Variants in COL14A1 observed in about 807,000 individuals in gnomAD.
COL14A1 encodes collagen alpha-1(XIV) chain.
A neutral mutation model predicts 230.3 loss-of-function variants in COL14A1; 136 were observed. The observed-to-expected ratio is 0.59, with a 90% confidence interval of 0.51 to 0.68. The LOEUF (loss-of-function observed/expected upper bound fraction) is 0.68, where lower values mean the gene tolerates loss of function less well. Ranked by LOEUF, COL14A1 falls within the 30% of genes least tolerant of loss-of-function variation. The pLI is 0.00. For synonymous variants in COL14A1, 792 were observed against 784.1 expected, an observed-to-expected ratio of 1.01 and a Z score of -0.17; for missense variants, 1,976 against 2,215.8, an observed-to-expected ratio of 0.89 and a Z score of 2.17.
Position 120,216,448 on chromosome 8 carries a change from T to C in COL14A1, c.1695T>C (p.Tyr565=). The change falls in exon 14 of 48, where the codon TAT becomes TAC. Residue 565 remains tyrosine, a synonymous_variant. Transcript: ENST00000297848. ...CAACTTCAAGACAGATCAATGGTTA[T>C]CGAATTGTATATAACAATGCAGATG... is the stretch of plus-strand genomic sequence containing the variant. ...WDPTSRQING[Y]RIVYNNADGT... is the part of the protein sequence containing the mutation. 1 of 1,613,912 alleles carries C rather than the reference T, an allele frequency of 6.2e-7. No individual in the cohort carries two copies.
intron 14 of COL14A1, 122 bp from the exon 15 acceptor site, chr8:120,224,966 C>T (rs1818048836): frequency 3.7e-6 from 3 of 820,280 alleles, no homozygotes; most frequent in Non-Finnish European, 5.5e-6. Flanking sequence ...TTTTATAATT[C>T]AGTAATTTGT....
At chr8:120,338,397 C>G (rs1451203998) in intron 42 of COL14A1, among the ~76,000 whole-genome samples, 1 of 152,122 alleles carries the variant, frequency 6.6e-6, no homozygotes, top group East Asian at 1.9e-4. Context: ...GATTCTGGAG[C>G]CCACAATTTG....
At chr8:120,257,878 A>T (rs1213156559) in intron 23 of COL14A1, among the ~76,000 whole-genome samples, 1 of 152,078 alleles carries the variant, frequency 6.6e-6, no homozygotes, top group Non-Finnish European at 1.5e-5. Flanking sequence ...ATATTTTTTC[A>T]TAGCTTAAGC....
chr8:120,362,283 C>A (rs1336849273), intron 45 of COL14A1, among the ~76,000 whole-genome samples: 1 of 152,100 alleles, frequency 6.6e-6, no homozygotes, highest in Non-Finnish European at 1.5e-5. Context: ...CAGTGCCTGC[C>A]CTCTTGGCTC....
chr8:120,331,075 A>T (rs1299801293), intron 40 of COL14A1, among the ~76,000 whole-genome samples: 1 of 148,578 alleles, frequency 6.7e-6, no homozygotes, highest in Non-Finnish European at 1.5e-5. Context: ...ATTGCACTCC[A>T]GCCTGGGCAA....
intron 5 of COL14A1, among the ~76,000 whole-genome samples, chr8:120,194,606 A>G (rs1816961462): frequency 6.6e-6 from 1 of 152,212 alleles, no homozygotes; most frequent in Non-Finnish European, 1.5e-5. Context: ...AATGAGCTAA[A>G]TAAACAGAAA....
At chr8:120,286,753 C>T (rs1820217036) in intron 33 of COL14A1, among the ~76,000 whole-genome samples, 2 of 152,194 alleles carry the variant, frequency 1.3e-5, no homozygotes, top group Non-Finnish European at 2.9e-5. Context: ...TCGTGATCCA[C>T]CTGCCTTGGC....
intron 35 of COL14A1, among the ~76,000 whole-genome samples, chr8:120,298,764 C>T (rs1386417064): frequency 6.6e-6 from 1 of 150,596 alleles, no homozygotes; most frequent in Non-Finnish European, 1.5e-5. Flanking sequence ...ATGGGGAACC[C>T]TTCATGAAGT....
chr8:120,270,019 C>G lies in COL14A1; in HGVS notation c.3074-16C>G, dbSNP rs779756507. The G allele has an allele frequency of 5.6e-6, 9 of 1,609,632 alleles. No homozygotes were observed. The highest frequency in any genetic ancestry group is 5.9e-6 in the Non-Finnish European group (7 of 1,177,290). ...TTCCCCTTATCTCTGACTCAAAATT[C>G]ATTGTTGGTCTTCAGTATGTAAGGC... On this transcript the variant is annotated splice_polypyrimidine_tract_variant and intron_variant, in intron 25 of 47. Transcript: ENST00000297848.
intron 28 of COL14A1, among the ~76,000 whole-genome samples, chr8:120,279,295 T>G (rs1019552071): frequency 4.6e-5 from 7 of 151,946 alleles, no homozygotes; most frequent in Non-Finnish European, 1.0e-4. Context: ...AGCACGTGTA[T>G]CCCAGAATTT....
intron 3 of COL14A1, among the ~76,000 whole-genome samples, chr8:120,159,113 T>C (rs1586725542): frequency 6.6e-6 from 1 of 152,310 alleles, no homozygotes; most frequent in East Asian, 1.9e-4. Flanking sequence ...TTCTATGAAT[T>C]TGCAACTCAA....
chr8:120,265,603 T>TA (rs1210516346), intron 24 of COL14A1, among the ~76,000 whole-genome samples: 1 of 151,440 alleles, frequency 6.6e-6, no homozygotes, highest in African/African-American at 2.4e-5. Flanking sequence ...TTATGAAAAA[T>TA]AAAAAGCACA....
chr8:120,208,498 C>T (rs1817518661), intron 11 of COL14A1, 137 bp downstream of exon 11: 7 of 974,428 alleles, frequency 7.2e-6, no homozygotes, highest in East Asian at 5.1e-5. Context: ...AGACATTTGT[C>T]GTGCTATATG....
At chr8:120,368,675 C>A (rs901848789) in intron 46 of COL14A1, among the ~76,000 whole-genome samples, 1 of 150,338 alleles carries the variant, frequency 6.7e-6, no homozygotes, top group East Asian at 2.0e-4. Flanking sequence ...CCTATTTTTA[C>A]TCAGTCTGAA....
intron 1 of COL14A1, among the ~76,000 whole-genome samples, chr8:120,145,590 C>T (rs1044867764): frequency 6.6e-6 from 1 of 152,152 alleles, no homozygotes; most frequent in Admixed American, 6.6e-5. Context: ...GCACTCCAGC[C>T]CTGGGGACAA....
At chr8:120,311,589 A>G (rs991981674) in intron 37 of COL14A1, among the ~76,000 whole-genome samples, 6 of 152,190 alleles carry the variant, frequency 3.9e-5, no homozygotes, top group African/African-American at 1.2e-4. Context: ...ATGTCCACCA[A>G]TGTGGACAGT....
intron 22 of COL14A1, 133 bp from the exon 23 acceptor site, chr8:120,255,107 T>C (rs1375938179): frequency 2.8e-6 from 2 of 717,662 alleles, no homozygotes; most frequent in African/African-American, 3.5e-5. Flanking sequence ...TACTAACTCA[T>C]TGTAAATTGA....
At chr8:120,324,737 C>G (rs1197471605) in intron 40 of COL14A1, among the ~76,000 whole-genome samples, 3 of 152,134 alleles carry the variant, frequency 2.0e-5, no homozygotes, top group Non-Finnish European at 4.4e-5. Flanking sequence ...AGGTTAGTAT[C>G]ATGACCTACC....
In COL14A1 at chr8:120,342,439, C is replaced by T. The variant is rs771741527; in HGVS notation, c.4881C>T (p.Leu1627=). ...RSVARQVCEQ[L]IQSHMARYTA... ...TGGCGCGTCAAGTATGCGAACAGCT[C>T]ATCCAGAGTAAGTATGTAATGGTTA... The change falls in exon 44 of 48, where the codon CTC becomes CTT. Residue 1627 remains leucine, a synonymous_variant. Transcript: ENST00000297848. 6.2e-7 allele frequency: 1 copy of T among 1,613,806 alleles called. No homozygotes were observed. Among genetic ancestry groups the T allele is most frequent in the Admixed American group, 1.7e-5 (1 of 60,016 alleles).
Sources: allele counts gnomAD v4.1 joint callset (sites outside exome capture counted in the v4.1 genomes callset), GRCh38; gene constraint gnomAD v4.1.1; transcripts MANE v1.5; gene names NCBI Gene and HGNC (gene_info 2026-07-23, HGNC 2026-07-21).